The following DACH2 variants were observed in gnomAD, a reference collection of about 807,000 sequenced individuals.
DACH2 encodes the protein dachshund homolog 2.
Under a neutral mutation model 35.8 loss-of-function variants are expected in DACH2, and 17 were observed. The observed-to-expected ratio is 0.48, with a 90% CI of 0.33 to 0.71. DACH2 has a LOEUF of 0.71. Ranked by LOEUF, DACH2 falls within the 30% of genes least tolerant of loss-of-function variation. The probability of loss-of-function intolerance (pLI) is 0.02; values close to 1 mark genes in which losing one functional copy is unlikely to be tolerated. For synonymous variants in DACH2, 195 were observed against 177.3 expected, an observed-to-expected ratio of 1.10 and a Z score of -0.79; for missense variants, 469 against 472.7, an observed-to-expected ratio of 0.99 and a Z score of 0.07.
chrX:86,691,112 C>G lies in DACH2; in HGVS notation c.773-3909C>G, dbSNP rs189991920. Among the ~76,000 whole-genome samples the G allele has an allele frequency of 3.0e-3, 333 of 111,800 alleles. 2 individuals carry two copies. The highest frequency in any genetic ancestry group is 5.1e-3 in the Non-Finnish European group (273 of 53,098). On this transcript the variant is annotated intron_variant, in intron 4 of 11. Coordinates refer to ENST00000373125, the MANE Select transcript of DACH2 (RefSeq NM_053281.3). ...AGCCAACTGCCTACCCTGCTAGCCT[C>G]TTAGTCATGCCTTGTTAAAAATGCT...
chrX:86,409,364 C>T (rs553444895), intron 2 of DACH2, among the ~76,000 whole-genome samples: 34 of 111,052 alleles, frequency 3.1e-4, no homozygotes, highest in African/African-American at 1.1e-3. Context: ...TGTGTGTCCC[C>T]GGCCAAATTT....
intron 4 of DACH2, among the ~76,000 whole-genome samples, chrX:86,676,806 G>C (rs918003763): frequency 1.8e-5 from 2 of 111,294 alleles, no homozygotes; most frequent in Non-Finnish European, 3.8e-5. Context: ...TGTTGGTTTT[G>C]TGAGCGAAAC....
At chrX:86,407,403 G>A (rs1172162794) in intron 2 of DACH2, among the ~76,000 whole-genome samples, 1 of 111,661 alleles carries the variant, frequency 9.0e-6, no homozygotes, top group Admixed American at 9.6e-5. Context: ...ATAAAGCGTG[G>A]CTTTTCTTAT....
intron 1 of DACH2, among the ~76,000 whole-genome samples, chrX:86,327,404 G>A (rs1356865357): frequency 8.9e-6 from 1 of 111,761 alleles, no homozygotes; most frequent in Non-Finnish European, 1.9e-5. Flanking sequence ...TAAGCTTTAA[G>A]AAATTTTTAG....
intron 3 of DACH2, among the ~76,000 whole-genome samples, chrX:86,523,398 A>G (rs371621890): frequency 3.0e-4 from 34 of 111,876 alleles, no homozygotes; most frequent in African/African-American, 1.0e-3. Context: ...GAGATGTCCT[A>G]GGACATTCTC....
chrX:86,693,589 C>T (rs2041033285), intron 4 of DACH2, among the ~76,000 whole-genome samples: 1 of 112,106 alleles, frequency 8.9e-6, no homozygotes, highest in Admixed American at 9.5e-5. Context: ...ATGTAATTTG[C>T]TTGAATAAAT....
At chrX:86,555,639 T>C (rs2039107655) in intron 3 of DACH2, among the ~76,000 whole-genome samples, 1 of 111,805 alleles carries the variant, frequency 8.9e-6, no homozygotes. Flanking sequence ...TAAAATTGTG[T>C]TGGGTATCGG....
At chrX:86,508,694 T>C (rs1381947315) in intron 2 of DACH2, among the ~76,000 whole-genome samples, 1 of 112,195 alleles carries the variant, frequency 8.9e-6, no homozygotes, top group African/African-American at 3.2e-5. Context: ...CATTGTTAAT[T>C]ATATGAAGGT....
At chrX:86,612,329 G>T (rs1212266398) in intron 3 of DACH2, among the ~76,000 whole-genome samples, 4 of 108,496 alleles carry the variant, frequency 3.7e-5, no homozygotes, top group Non-Finnish European at 7.6e-5. Flanking sequence ...TTGGGGAAAG[G>T]GTCATGCAAG....
intron 1 of DACH2, among the ~76,000 whole-genome samples, chrX:86,269,990 A>G (rs933423092): frequency 1.3e-4 from 14 of 104,677 alleles, no homozygotes; most frequent in African/African-American, 4.5e-4. Flanking sequence ...ACAAACTAAG[A>G]TAAGATTCAT....
chrX:86,621,785 G>A (rs1282696236), intron 3 of DACH2, among the ~76,000 whole-genome samples: 2 of 111,861 alleles, frequency 1.8e-5, no homozygotes, highest in Non-Finnish European at 3.8e-5. Flanking sequence ...AGCAGTGGGT[G>A]TCCAATAATA....
At chrX:86,738,573 TTGCATAAG>T (rs2041621329) in intron 6 of DACH2, among the ~76,000 whole-genome samples, 1 of 111,883 alleles carries the variant, frequency 8.9e-6, no homozygotes, top group South Asian at 3.7e-4. Context: ...GTCACATTTA[TTGCATAAG>T]TGCATAAACC....
chrX:86,215,937 A>T (rs1404040633), intron 1 of DACH2, among the ~76,000 whole-genome samples: 6 of 112,396 alleles, frequency 5.3e-5, no homozygotes, highest in Non-Finnish European at 1.1e-4. Context: ...GACTACATGG[A>T]TCTACATTCT....
At chrX:86,307,642 GGATAATGTT>G (rs2034716711) in intron 1 of DACH2, among the ~76,000 whole-genome samples, 1 of 111,158 alleles carries the variant, frequency 9.0e-6, no homozygotes, top group African/African-American at 3.3e-5. Flanking sequence ...TTGCCAGACA[GGATAATGTT>G]GATTCTCCTC....
chrX:86,573,394 A>C (rs1257941576), intron 3 of DACH2, among the ~76,000 whole-genome samples: 1 of 111,699 alleles, frequency 9.0e-6, no homozygotes, highest in African/African-American at 3.3e-5. Context: ...AAAACATGTC[A>C]TCATTAATCC....
chrX:86,195,221 C>T, intron 1 of DACH2, among the ~76,000 whole-genome samples: 1 of 111,804 alleles, frequency 8.9e-6, no homozygotes. Flanking sequence ...GTGGAGTCCA[C>T]CTCCATTTCC....
chrX:86,696,322 C>T (rs778955744), intron 5 of DACH2, among the ~76,000 whole-genome samples: 137 of 111,580 alleles, frequency 1.2e-3, no homozygotes, highest in African/African-American at 4.4e-3. Flanking sequence ...TGGTGTGATA[C>T]TTTAAAGTGG....
chrX:86,725,925 A>G (rs754756316), intron 6 of DACH2, among the ~76,000 whole-genome samples: 2 of 111,485 alleles, frequency 1.8e-5, no homozygotes, highest in Non-Finnish European at 3.8e-5. Context: ...AATGCCAGCA[A>G]TAATAATCTA....
At chrX:86,273,612 A>G (rs777785732) in intron 1 of DACH2, among the ~76,000 whole-genome samples, 3 of 112,174 alleles carry the variant, frequency 2.7e-5, no homozygotes, top group Non-Finnish European at 5.6e-5. Context: ...AGCATACACC[A>G]TCTACATTTT....
Sources: gnomAD v4.1 joint callset for allele counts (sites outside exome capture counted in the v4.1 genomes callset) on GRCh38, gnomAD v4.1.1 for gene constraint, MANE v1.5 for transcripts, NCBI Gene and HGNC (gene_info 2026-07-23, HGNC 2026-07-21) for gene names.